TAOK3: variants seen among roughly 807,000 people sequenced by gnomAD.
TAOK3 encodes serine/threonine-protein kinase TAO3.
In TAOK3, 40 loss-of-function variants were observed where a neutral mutation model predicts 120.4. That is an observed-to-expected ratio of 0.33 (90% CI 0.26 to 0.43). The LOEUF (loss-of-function observed/expected upper bound fraction) is 0.43, where lower values mean the gene tolerates loss of function less well. Ranked by LOEUF, TAOK3 falls within the 20% of genes least tolerant of loss-of-function variation. The pLI is 1.00. For missense variants in TAOK3, 821 were observed against 1,112.1 expected (o/e 0.74, Z 3.72); for synonymous variants, 355 against 387.5 (o/e 0.92, Z 0.99).
chr12:118,169,326 C>CT (rs913236418), intron 17 of TAOK3, among the ~76,000 whole-genome samples: 8 of 80,558 alleles, frequency 9.9e-5, no homozygotes, highest in African/African-American at 1.4e-4. Flanking sequence ...ACCCCCCCCC[C>CT]TTTTTTTTTA....
intron 1 of TAOK3, among the ~76,000 whole-genome samples, chr12:118,268,746 C>G (rs1452044179): frequency 6.6e-6 from 1 of 152,200 alleles, no homozygotes; most frequent in African/African-American, 2.4e-5. Context: ...CAGTGGCTCA[C>G]ACCTGTAATC....
At chr12:118,190,028 G>A (rs2037347953) in intron 13 of TAOK3, 87 bp from the exon 14 acceptor site, 4 of 1,549,732 alleles carry the variant, frequency 2.6e-6, no homozygotes, top group Admixed American at 3.5e-5. Flanking sequence ...TTCTGCACAA[G>A]CACTGCTGTT....
chr12:118,294,631 G>A (rs542658462), intron 1 of TAOK3, among the ~76,000 whole-genome samples: 1 of 152,176 alleles, frequency 6.6e-6, no homozygotes, highest in South Asian at 2.1e-4. Flanking sequence ...TGATCTGCCT[G>A]CCTCGGCCTC....
intron 1 of TAOK3, among the ~76,000 whole-genome samples, chr12:118,356,901 G>GA (rs2045419634): frequency 6.6e-6 from 1 of 152,164 alleles, no homozygotes; most frequent in Admixed American, 6.5e-5. Flanking sequence ...CAACCTGGGT[G>GA]ACAGGGTGAG....
At chr12:118,346,203 T>TTA (rs1365272155) in intron 1 of TAOK3, among the ~76,000 whole-genome samples, 10 of 152,328 alleles carry the variant, frequency 6.6e-5, no homozygotes, top group African/African-American at 2.2e-4. Flanking sequence ...GGTCAGGGAC[T>TTA]TCTCACCACT....
chr12:118,182,623 A>AT (rs1555215274), intron 14 of TAOK3, among the ~76,000 whole-genome samples: 5,370 of 92,290 alleles, frequency 0.058, 240 homozygotes, highest in Non-Finnish European at 0.077. Flanking sequence ...ATATATATAT[A>AT]TTTTTTTTTT....
intron 1 of TAOK3, among the ~76,000 whole-genome samples, chr12:118,286,163 T>G (rs1203981431): frequency 1.3e-5 from 2 of 152,182 alleles, no homozygotes; most frequent in Non-Finnish European, 2.9e-5. Flanking sequence ...CCTTTCACAC[T>G]CTTTATAATC....
rs1038930231 is a variant in TAOK3 at position 118,226,172 on chromosome 12, G to A, written c.643+7502C>T. On this transcript the variant is annotated intron_variant, in intron 9 of 20. Transcript: ENST00000392533. ...GGGCAGATCACAAGGTCAGGAGATCGAGACCATCCTGGCTAACATGGTGAA... is the reference window on the plus strand; with the variant it reads ...GGGCAGATCACAAGGTCAGGAGATCAAGACCATCCTGGCTAACATGGTGAA... 2.0e-5 allele frequency among the ~76,000 whole-genome samples: 3 copies of A among 152,220 alleles called. No homozygotes were observed. The East Asian group carries it at 5.8e-4, about 29-fold the overall frequency.
chr12:118,360,517 A>G (rs1392479774), intron 1 of TAOK3, among the ~76,000 whole-genome samples: 1 of 151,280 alleles, frequency 6.6e-6, no homozygotes, highest in Non-Finnish European at 1.5e-5. Flanking sequence ...GCAGTGAGCC[A>G]AGATCGCGCC....
At chr12:118,223,140 G>A (rs2039326468) in intron 9 of TAOK3, among the ~76,000 whole-genome samples, 1 of 148,798 alleles carries the variant, frequency 6.7e-6, no homozygotes, top group Admixed American at 6.8e-5. Context: ...CGTGATCTCG[G>A]CTCACTGCAA....
intron 1 of TAOK3, among the ~76,000 whole-genome samples, chr12:118,353,839 TA>T (rs1277049185): frequency 6.6e-6 from 1 of 152,122 alleles, no homozygotes; most frequent in East Asian, 1.9e-4. Flanking sequence ...TTTTAAACAC[TA>T]AAAGTATATT....
chr12:118,246,583 G>C, intron 3 of TAOK3: 1 of 1,570,894 alleles, frequency 6.4e-7, no homozygotes, highest in South Asian at 1.1e-5. Flanking sequence ...CCCGTGCGCA[G>C]AGGCTACTGG....
chr12:118,292,301 CATT>C (rs781056290), intron 1 of TAOK3, among the ~76,000 whole-genome samples: 1 of 152,280 alleles, frequency 6.6e-6, no homozygotes, highest in East Asian at 1.9e-4. Flanking sequence ...AACATTCACT[CATT>C]GTTGCCTTTG....
intron 1 of TAOK3, among the ~76,000 whole-genome samples, chr12:118,344,281 G>C (rs1288051671): frequency 6.6e-6 from 1 of 150,940 alleles, no homozygotes; most frequent in Non-Finnish European, 1.5e-5. Flanking sequence ...CAAGACAAAA[G>C]CATGTGTCAT....
At chr12:118,158,611 T>C (rs1360649066) in intron 19 of TAOK3, among the ~76,000 whole-genome samples, 1 of 152,192 alleles carries the variant, frequency 6.6e-6, no homozygotes, top group Non-Finnish European at 1.5e-5. Flanking sequence ...CTCCTCTCCA[T>C]CTCCATTAGC....
intron 3 of TAOK3, among the ~76,000 whole-genome samples, chr12:118,253,136 A>T (rs1194975897): frequency 3.9e-5 from 6 of 152,222 alleles, no homozygotes; most frequent in African/African-American, 1.4e-4. Context: ...AAGTAATGGT[A>T]GGGCTGAGCA....
At chr12:118,275,606 C>T (rs1228301186) in intron 1 of TAOK3, among the ~76,000 whole-genome samples, 1 of 152,160 alleles carries the variant, frequency 6.6e-6, no homozygotes, top group Non-Finnish European at 1.5e-5. Flanking sequence ...ACATTTTCTT[C>T]AATTACTTTT....
At chr12:118,252,710 C>T (rs77441113) in intron 3 of TAOK3, among the ~76,000 whole-genome samples, 2,164 of 150,642 alleles carry the variant, frequency 0.014, 50 homozygotes, top group African/African-American at 0.049. Context: ...AAATTAGCAC[C>T]CTTTTTTCTT....
At chr12:118,178,951 T>C (rs1249039781) in intron 15 of TAOK3, among the ~76,000 whole-genome samples, 1 of 152,212 alleles carries the variant, frequency 6.6e-6, no homozygotes, top group Non-Finnish European at 1.5e-5. Flanking sequence ...GGAATTATGC[T>C]TCATGGCTCA....
Sources: allele counts gnomAD v4.1 joint callset (sites outside exome capture counted in the v4.1 genomes callset), GRCh38; gene constraint gnomAD v4.1.1; transcripts MANE v1.5; gene names NCBI Gene and HGNC (gene_info 2026-07-23, HGNC 2026-07-21).